VWC2: variants seen among roughly 807,000 people sequenced by gnomAD.
VWC2 encodes brorin.
VWC2 carries 14 observed loss-of-function variants against 29.8 expected under a neutral mutation model. The observed-to-expected ratio is 0.47, with a 90% confidence interval of 0.31 to 0.74. The LOEUF is 0.74. VWC2 is among the 30% of genes least tolerant of loss of function. The pLI, the probability that VWC2 is intolerant of heterozygous loss-of-function variation, is 0.05. For synonymous variants in VWC2, 213 were observed against 199.0 expected (o/e 1.07, Z -0.59); for missense variants, 457 against 459.8 (o/e 0.99, Z 0.05).
At chr7:49,879,799 G>T (rs690996) in intron 3 of VWC2, among the ~76,000 whole-genome samples, 2,758 of 151,840 alleles carry the variant, frequency 0.018, 91 homozygotes, top group African/African-American at 0.063. Flanking sequence ...ATAATTTTAG[G>T]TGTGATCACA....
chr7:49,849,205 A>G (rs1790078497), intron 3 of VWC2, among the ~76,000 whole-genome samples: 1 of 152,194 alleles, frequency 6.6e-6, no homozygotes, highest in Non-Finnish European at 1.5e-5. Context: ...GTGGGGGGAA[A>G]CCAATACAGT....
At chr7:49,774,651 C>A (rs1452202153) in intron 1 of VWC2, among the ~76,000 whole-genome samples, 1 of 152,154 alleles carries the variant, frequency 6.6e-6, no homozygotes, top group Admixed American at 6.5e-5. Flanking sequence ...CTCGGAGGGG[C>A]GGGCCGGCAG....
intron 3 of VWC2, among the ~76,000 whole-genome samples, chr7:49,805,955 C>G (rs1422891022): frequency 6.6e-6 from 1 of 152,162 alleles, no homozygotes; most frequent in Non-Finnish European, 1.5e-5. Flanking sequence ...AGTTGGAAAC[C>G]AAGAATGCCT....
chr7:49,857,452 T>C (rs184756268), intron 3 of VWC2, among the ~76,000 whole-genome samples: 1 of 152,326 alleles, frequency 6.6e-6, no homozygotes, highest in Non-Finnish European at 1.5e-5. Context: ...TTGAGTTGTT[T>C]CCATATCTTA....
Position 49,916,640 on chromosome 7 carries a change from C to T in VWC2, c.*4455C>T, listed in dbSNP as rs1793741355. 6.6e-6 allele frequency: 1 copy of T among 152,148 alleles called. No individual in the cohort carries two copies. The highest frequency in any genetic ancestry group is 2.4e-5 in the African/African-American group (1 of 41,434). The allele number at this position is 152,148 out of a possible 1,614,324, so 9.4% of individuals were successfully genotyped here. A position where few individuals can be genotyped will look rare whatever the true frequency, so the allele number is the denominator to read the frequency against. On this transcript the variant is annotated 3_prime_UTR_variant, in exon 4 of 4. Transcript: ENST00000340652. ...AATATTCAATTCCCAAAACATCACC[C>T]AATATCTATATGTTAAAGGCTTGTT...
At chr7:49,838,742 G>A (rs1583662221) in intron 3 of VWC2, among the ~76,000 whole-genome samples, 1 of 152,074 alleles carries the variant, frequency 6.6e-6, no homozygotes, top group Non-Finnish European at 1.5e-5. Context: ...AAAGTTTCCA[G>A]GATTTTCCAG....
intron 3 of VWC2, among the ~76,000 whole-genome samples, chr7:49,877,482 ATATATATATATATATAT>A (rs1791479069): frequency 9.8e-5 from 2 of 20,342 alleles, no homozygotes; most frequent in Admixed American, 7.8e-4. Context: ...AAAAAAAAAA[ATATATATATATATATAT>A]ATATATATAT....
Position 49,802,717 on chromosome 7 carries a change from C to A in VWC2, c.703C>A (p.Pro235Thr), listed in dbSNP as rs1485405941. The A allele has an allele frequency of 1.2e-6, 2 of 1,614,072 alleles. No homozygotes were observed. Among genetic ancestry groups the A allele is most frequent in the Non-Finnish European group, 1.7e-6 (2 of 1,180,036 alleles). Residue 235 changes from proline (P) to threonine (T), a missense_variant, in exon 3 of 4, where the codon CCA becomes ACA. This residue lies in a region of VWC2 where 185 missense variants were observed against 257.1 expected (regional missense o/e 0.72). Coordinates refer to ENST00000340652, the MANE Select transcript of VWC2 (RefSeq NM_198570.5). ...TTGTGGGCTTGTGTTTCAGGTGTCT[C>A]CATGCGAGAGGTGTCGCTGTGAAGC... is the stretch of plus-strand genomic sequence containing the variant. ...YQTLEEFVVS[P>T]CERCRCEANG...
intron 3 of VWC2, among the ~76,000 whole-genome samples, chr7:49,862,402 A>G (rs970475603): frequency 1.3e-5 from 2 of 152,200 alleles, no homozygotes; most frequent in Non-Finnish European, 2.9e-5. Flanking sequence ...AGACAGGATC[A>G]TACTAACCGT....
intron 2 of VWC2, among the ~76,000 whole-genome samples, chr7:49,800,779 G>T (rs1788719525): frequency 6.7e-6 from 1 of 149,184 alleles, no homozygotes; most frequent in African/African-American, 2.5e-5. Context: ...TGAGGGAATT[G>T]GTAGGAGACA....
intron 3 of VWC2, among the ~76,000 whole-genome samples, chr7:49,889,249 G>A (rs1399632923): frequency 1.3e-5 from 2 of 152,138 alleles, no homozygotes; most frequent in Non-Finnish European, 1.5e-5. Context: ...GGCATTTCCT[G>A]GTGTTGCCAT....
chr7:49,903,591 G>A (rs1207655777), intron 3 of VWC2, among the ~76,000 whole-genome samples: 1 of 152,180 alleles, frequency 6.6e-6, no homozygotes, highest in Non-Finnish European at 1.5e-5. Context: ...AAGATGGTGG[G>A]GCCAGAGAAG....
At chr7:49,787,677 A>T (rs751853234) in intron 2 of VWC2, among the ~76,000 whole-genome samples, 4 of 152,196 alleles carry the variant, frequency 2.6e-5, no homozygotes, top group Non-Finnish European at 5.9e-5. Context: ...CACAAATGTC[A>T]TGAGTGGGTA....
intron 3 of VWC2, among the ~76,000 whole-genome samples, chr7:49,842,948 C>T (rs1439434752): frequency 6.6e-6 from 1 of 151,950 alleles, no homozygotes; most frequent in Non-Finnish European, 1.5e-5. Flanking sequence ...GGTTTGATAC[C>T]TGGGTGTACT....
At position 49,775,521 on chromosome 7, in the gene VWC2, C is replaced by T; in HGVS notation, c.86C>T (p.Pro29Leu). ...TCCLMVALCS[P>L]SIPLEKLAQA... ...TGCCTGATGGTGGCTCTGTGCAGTC[C>T]GAGCATCCCGCTGGAGAAGCTGGCC... Residue 29 changes from proline (P) to leucine (L), a missense_variant, in exon 2 of 4, where the codon CCG becomes CTG. Pro to Leu is a moderately conservative substitution (Grantham distance 98). Transcript: ENST00000340652. 1.3e-6 allele frequency: 2 copies of T among 1,577,008 alleles called. No individual in the cohort carries two copies. Among genetic ancestry groups the T allele is most frequent in the Non-Finnish European group, 8.6e-7 (1 of 1,165,840 alleles).
chr7:49,837,912 T>A (rs964322542), intron 3 of VWC2, among the ~76,000 whole-genome samples: 4 of 152,040 alleles, frequency 2.6e-5, no homozygotes, highest in African/African-American at 4.8e-5. Flanking sequence ...TAATGAAAAA[T>A]TTTTTCAAAT....
At chr7:49,882,852 G>T (rs1399005372) in intron 3 of VWC2, among the ~76,000 whole-genome samples, 4 of 151,334 alleles carry the variant, frequency 2.6e-5, no homozygotes, top group Non-Finnish European at 3.0e-5. Context: ...GTGTTTTTGG[G>T]TTTTTTTTGT....
intron 2 of VWC2, among the ~76,000 whole-genome samples, chr7:49,783,851 ACCAG>A (rs1788233141): frequency 1.3e-5 from 2 of 152,120 alleles, no homozygotes; most frequent in African/African-American, 4.8e-5. Flanking sequence ...GGAGTTTAAG[ACCAG>A]CCTGTGCAAC....
intron 3 of VWC2, among the ~76,000 whole-genome samples, chr7:49,863,424 C>T (rs920646183): frequency 3.6e-4 from 54 of 152,102 alleles, no homozygotes; most frequent in African/African-American, 1.3e-3. Context: ...GATTCTCTCT[C>T]CCTTTTTTTC....
Sources: gnomAD v4.1 joint callset for allele counts (sites outside exome capture counted in the v4.1 genomes callset) on GRCh38, gnomAD v4.1.1 for gene constraint, gnomAD v4.1.1 regional missense constraint, MANE v1.5 for transcripts, NCBI Gene and HGNC (gene_info 2026-07-23, HGNC 2026-07-21) for gene names.